Variants in ENTREP2 observed in about 807,000 individuals in gnomAD.
ENTREP2 encodes the protein endosomal transmembrane epsin interactor 2.
At chr15:29,331,656 A>T in the ENTREP2 span, among the ~76,000 whole-genome samples, 1 of 152,256 alleles carries the variant, frequency 6.6e-6, no homozygotes, top group Non-Finnish European at 1.5e-5. Context: ...CAATGACAGC[A>T]TGATCGTTAA....
At chr15:29,584,860 TTTAC>T in the ENTREP2 span, among the ~76,000 whole-genome samples, 2 of 152,216 alleles carry the variant, frequency 1.3e-5, no homozygotes, top group Non-Finnish European at 2.9e-5. Context: ...GATGTATTAA[TTTAC>T]TTAATCATGG....
chr15:29,444,192 A>AAG, the ENTREP2 span, among the ~76,000 whole-genome samples: 3 of 126,730 alleles, frequency 2.4e-5, no homozygotes, highest in African/African-American at 9.4e-5. Context: ...GAAAGAAAGA[A>AAG]AGAAAGAAAG....
chr15:29,183,372 G>A, the ENTREP2 span, among the ~76,000 whole-genome samples: 2 of 152,200 alleles, frequency 1.3e-5, no homozygotes, highest in East Asian at 1.9e-4. Context: ...CCCTGCCATC[G>A]CTGTGGAGTG....
chr15:29,353,864 A>G, the ENTREP2 span, among the ~76,000 whole-genome samples: 16 of 152,182 alleles, frequency 1.1e-4, no homozygotes, highest in African/African-American at 3.9e-4. Flanking sequence ...ACTTGAGGCC[A>G]TACAGTAAGA....
the ENTREP2 span, among the ~76,000 whole-genome samples, chr15:29,626,897 AC>A: frequency 2.0e-5 from 3 of 152,214 alleles, no homozygotes; most frequent in African/African-American, 4.8e-5. Context: ...CAATAAAAAA[AC>A]AAATAAAAAT....
At chr15:29,177,314 G>C in the ENTREP2 span, among the ~76,000 whole-genome samples, 3 of 152,150 alleles carry the variant, frequency 2.0e-5, no homozygotes, top group Non-Finnish European at 4.4e-5. Flanking sequence ...GAAGGACAGG[G>C]CTTCTATTTT....
the ENTREP2 span, among the ~76,000 whole-genome samples, chr15:29,490,079 G>A: frequency 2.6e-5 from 4 of 152,196 alleles, no homozygotes; most frequent in African/African-American, 7.2e-5. Flanking sequence ...TCGCTCTCCA[G>A]TAAACATTTC....
the ENTREP2 span, among the ~76,000 whole-genome samples, chr15:29,470,948 A>G: frequency 1.3e-5 from 2 of 152,206 alleles, no homozygotes; most frequent in African/African-American, 4.8e-5. Flanking sequence ...AGGTGATCTC[A>G]CTAGACCAAC....
At chr15:29,194,989 GCCCGTGTCCCCT>G in the ENTREP2 span, 1 of 321,046 alleles carries the variant, frequency 3.1e-6, no homozygotes, top group South Asian at 1.2e-4. Flanking sequence ...AGCAACGGCT[GCCCGTGTCCCCT>G]CCCAGGAGGG....
the ENTREP2 span, among the ~76,000 whole-genome samples, chr15:29,133,638 G>C: frequency 1.3e-5 from 2 of 152,186 alleles, no homozygotes; most frequent in African/African-American, 4.8e-5. Context: ...GCTGGTTTTG[G>C]CAAATCCAGG....
chr15:29,416,078 A>C, the ENTREP2 span, among the ~76,000 whole-genome samples: 1 of 152,194 alleles, frequency 6.6e-6, no homozygotes, highest in Non-Finnish European at 1.5e-5. Flanking sequence ...TGCCCAAGGT[A>C]ATTTATAGAT....
At chr15:29,585,855 CAAAAA>C in the ENTREP2 span, among the ~76,000 whole-genome samples, 8 of 110,872 alleles carry the variant, frequency 7.2e-5, no homozygotes, top group African/African-American at 2.6e-4. Flanking sequence ...GACTCTGTCT[CAAAAA>C]AAAAAAAAAA....
chr15:29,619,468 A>G, the ENTREP2 span, among the ~76,000 whole-genome samples: 1 of 151,996 alleles, frequency 6.6e-6, no homozygotes, highest in Non-Finnish European at 1.5e-5. Context: ...AAACTGAAAC[A>G]CTGAGGGTTA....
the ENTREP2 span, among the ~76,000 whole-genome samples, chr15:29,366,523 C>G: frequency 1.3e-5 from 2 of 152,184 alleles, no homozygotes; most frequent in Admixed American, 1.3e-4. Flanking sequence ...GGAAGCACCA[C>G]CGCAATTAAA....
the ENTREP2 span, among the ~76,000 whole-genome samples, chr15:29,598,550 T>G: frequency 1.3e-5 from 2 of 152,204 alleles, no homozygotes; most frequent in African/African-American, 4.8e-5. Flanking sequence ...GATGAGATAT[T>G]TTATCATTGC....
chr15:29,194,864 C>T, the ENTREP2 span, among the ~76,000 whole-genome samples: 1 of 152,208 alleles, frequency 6.6e-6, no homozygotes, highest in Non-Finnish European at 1.5e-5. Context: ...AACACCCCAA[C>T]CAGCCAACTG....
chr15:29,297,085 C>T, the ENTREP2 span, among the ~76,000 whole-genome samples: 1 of 152,140 alleles, frequency 6.6e-6, no homozygotes, highest in Non-Finnish European at 1.5e-5. Context: ...AGCTAATCCA[C>T]AAATAAATGA....
the ENTREP2 span, among the ~76,000 whole-genome samples, chr15:29,367,977 C>A: frequency 7.9e-6 from 1 of 127,150 alleles, no homozygotes; most frequent in African/African-American, 3.0e-5. Flanking sequence ...TATGAAGATA[C>A]AAGAAAGCAT....
At chr15:29,395,477 T>C in the ENTREP2 span, among the ~76,000 whole-genome samples, 1 of 152,058 alleles carries the variant, frequency 6.6e-6, no homozygotes, top group East Asian at 1.9e-4. Flanking sequence ...ATTTTTATAA[T>C]AGCCATTCTG....
Sources: gnomAD v4.1 joint callset for allele counts (sites outside exome capture counted in the v4.1 genomes callset) on GRCh38, gnomAD v4.1.1 for gene constraint, MANE v1.5 for transcripts, NCBI Gene and HGNC (gene_info 2026-07-23, HGNC 2026-07-21) for gene names.